The following PABIR3 variants were observed in gnomAD, a reference collection of about 807,000 sequenced individuals.
PABIR3 encodes PABIR family member 3.
A neutral mutation model predicts 23.1 loss-of-function variants in PABIR3; 20 were observed. That is an observed-to-expected ratio of 0.86 (90% CI 0.61 to 1.26). PABIR3 has a LOEUF of 1.26. PABIR3 is among the 50% of genes most tolerant of loss of function. PABIR3 has a pLI of 0.00. For missense variants in PABIR3, 189 were observed against 195.4 expected, an observed-to-expected ratio of 0.97 and a Z score of 0.20; for synonymous variants, 69 against 68.5, an observed-to-expected ratio of 1.01 and a Z score of -0.04.
At chrX:134,810,231 G>A (rs2080566732) in intron 2 of PABIR3, 1 of 754,341 alleles carries the variant, frequency 1.3e-6, no homozygotes, top group African/African-American at 2.3e-5. Flanking sequence ...TTAAAGCCCT[G>A]GAAACAGAGA....
chrX:134,828,016 TCTC>T (rs2081581128), intron 3 of PABIR3, among the ~76,000 whole-genome samples: 1 of 47,737 alleles, frequency 2.1e-5, no homozygotes, highest in African/African-American at 7.8e-5. Flanking sequence ...CAGTGCTCTC[TCTC>T]TCTCTCTCTC....
intron 1 of PABIR3, 28 bp downstream of exon 1, chrX:134,807,369 C>A (rs1490839390): frequency 1.0e-6 from 1 of 966,499 alleles, no homozygotes; most frequent in African/African-American, 2.0e-5. Context: ...CGTTAGAGGC[C>A]CCGATCATGG....
At chrX:134,812,347 A>G (rs749062370) in intron 2 of PABIR3, among the ~76,000 whole-genome samples, 1 of 112,164 alleles carries the variant, frequency 8.9e-6, no homozygotes, top group Non-Finnish European at 1.9e-5. Context: ...GAAATAGCCC[A>G]TTAGTGTCCC....
the PABIR3 span, among the ~76,000 whole-genome samples, chrX:134,860,018 G>A: frequency 8.9e-6 from 1 of 111,740 alleles, no homozygotes; most frequent in Non-Finnish European, 1.9e-5. Context: ...CTCTATAAGA[G>A]TGGGGTCTTT....
At chrX:134,807,376 A>G in intron 1 of PABIR3, 35 bp downstream of exon 1, 1 of 981,430 alleles carries the variant, frequency 1.0e-6, no homozygotes, top group Non-Finnish European at 1.3e-6. Context: ...GGCCCCGATC[A>G]TGGGAGATAG....
rs143037881 is a variant in PABIR3, at chrX:134,820,031, C to A, written c.189+5182C>A. ...GGTTAGTTCAGTGGGCCAATGACATCATCAGAGACCCAGGTTCCTTCTATC... is the reference window on the plus strand; with the variant it reads ...GGTTAGTTCAGTGGGCCAATGACATAATCAGAGACCCAGGTTCCTTCTATC... On this transcript the variant is annotated intron_variant, in intron 3 of 10. Transcript: ENST00000645433. Among the ~76,000 whole-genome samples, 185 of 111,654 alleles carry A rather than the reference C, an allele frequency of 1.7e-3. 6 individuals are homozygous for A. In the East Asian group the frequency reaches 0.039, roughly 23 times the overall value.
chrX:134,845,840 G>A lies in PABIR3; in HGVS notation c.345+439G>A, dbSNP rs1298385091. ...TCCTAGTAGGCATAATAAAAGTTCA[G>A]TTGCACTAGTTAAAGTGCTTAGATA... On this transcript the variant is annotated intron_variant, in intron 6 of 10. Transcript: ENST00000645433. Among the ~76,000 whole-genome samples, 3 of 112,261 alleles carry A rather than the reference G, an allele frequency of 2.7e-5. No individual in the cohort carries two copies. The Admixed American group carries it at 2.9e-4, about 11-fold the overall frequency.
chrX:134,796,562 G>A (rs958187029), upstream of PABIR3: 5 of 113,248 alleles, frequency 4.4e-5, no homozygotes, highest in South Asian at 1.2e-3. Context: ...GGAAAAGCAG[G>A]AGGACAGAGA....
chrX:134,847,826 G>C, intron 7 of PABIR3, 57 bp from the exon 8 acceptor site: 3 of 990,077 alleles, frequency 3.0e-6, no homozygotes, highest in Non-Finnish European at 4.1e-6. Context: ...GGAAACCAAT[G>C]ATCTGCTTTC....
downstream of PABIR3, among the ~76,000 whole-genome samples, chrX:134,857,822 A>G (rs1039390611): frequency 1.3e-4 from 14 of 111,316 alleles, no homozygotes; most frequent in Non-Finnish European, 2.1e-4. Context: ...AAATATATAT[A>G]TGGTTTTTAA....
intron 3 of PABIR3, among the ~76,000 whole-genome samples, chrX:134,828,010 G>GCTCT (rs1167724649): frequency 0.017 from 1,065 of 61,217 alleles, 20 homozygotes; most frequent in East Asian, 0.02. Flanking sequence ...CTAGCTCAGT[G>GCTCT]CTCTCTCTCT....
chrX:134,828,047 C>CTCTCTATATATA (rs1466733144), intron 3 of PABIR3, among the ~76,000 whole-genome samples: 5 of 49,420 alleles, frequency 1.0e-4, no homozygotes, highest in Admixed American at 3.6e-4. Context: ...CTCTCTCTCT[C>CTCTCTATATATA]TATATATATA....
chrX:134,832,099 GA>G (rs1275274537), intron 4 of PABIR3, among the ~76,000 whole-genome samples: 1 of 110,293 alleles, frequency 9.1e-6, no homozygotes, highest in Admixed American at 9.8e-5. Context: ...CCAACATGGT[GA>G]AACCCCGTCT....
intron 3 of PABIR3, among the ~76,000 whole-genome samples, chrX:134,820,415 C>T (rs961391211): frequency 9.0e-6 from 1 of 111,348 alleles, no homozygotes; most frequent in African/African-American, 3.3e-5. Context: ...CTGGTCTATC[C>T]TTAAAATTGG....
At chrX:134,815,483 A>G (rs1049149262) in intron 3 of PABIR3, among the ~76,000 whole-genome samples, 1 of 111,533 alleles carries the variant, frequency 9.0e-6, no homozygotes, top group African/African-American at 3.3e-5. Context: ...AAAATATACA[A>G]TTCAATGGCA....
chrX:134,828,716 C>T (rs1469070128), intron 3 of PABIR3, among the ~76,000 whole-genome samples: 1 of 111,777 alleles, frequency 8.9e-6, no homozygotes, highest in Non-Finnish European at 1.9e-5. Flanking sequence ...AAAGTGATTA[C>T]CTTAGAGTCA....
intron 6 of PABIR3, among the ~76,000 whole-genome samples, chrX:134,845,667 T>C (rs2082409320): frequency 8.9e-6 from 1 of 112,110 alleles, no homozygotes; most frequent in Admixed American, 9.5e-5. Flanking sequence ...GATTACAGGC[T>C]TGAGCCATTG....
chrX:134,839,043 A>G lies in PABIR3; in HGVS notation c.247-6162A>G, dbSNP rs1340707641. 513 of 117,860 alleles carry G rather than the reference A, an allele frequency of 4.4e-3. 1 individual carries two copies. Among genetic ancestry groups the G allele is most frequent in the Non-Finnish European group, 7.2e-3 (415 of 57,475 alleles). 9.7% of individuals were successfully genotyped at this position (117,860 alleles called of 1,213,427 possible). ...TGCAGTGGCGTGATCTCGGCTCGCT[A>G]CAACCTCCACCTCCCAGCCGCCTGC... On this transcript the variant is annotated intron_variant, in intron 4 of 10. Transcript: ENST00000645433.
At chrX:134,800,199 G>T (rs980053429) in intron 1 of PABIR3, among the ~76,000 whole-genome samples, 1 of 108,659 alleles carries the variant, frequency 9.2e-6, no homozygotes, top group East Asian at 2.9e-4. Context: ...TACTCGGGGG[G>T]CTGAGGCAGG....
Sources: gnomAD v4.1 joint callset for allele counts (sites outside exome capture counted in the v4.1 genomes callset) on GRCh38, gnomAD v4.1.1 for gene constraint, MANE v1.5 for transcripts, NCBI Gene and HGNC (gene_info 2026-07-23, HGNC 2026-07-21) for gene names.